Variants in PAX2 observed in about 807,000 individuals in gnomAD.
The protein encoded by PAX2 is paired box protein Pax-2.
In PAX2, 9 loss-of-function variants were observed where a neutral mutation model predicts 41.7. That is an observed-to-expected ratio of 0.22 (90% CI 0.13 to 0.38). PAX2 has a LOEUF of 0.38. PAX2 is among the 10% of genes least tolerant of loss of function. PAX2 has a pLI of 1.00. For missense variants in PAX2, 418 were observed against 531.6 expected (o/e 0.79, Z 2.10); for synonymous variants, 221 against 212.7 (o/e 1.04, Z -0.34).
intron 7 of PAX2, among the ~76,000 whole-genome samples, chr10:100,814,351 CAAAAAAAAAAAAAA>C (rs11458573): frequency 1.9e-5 from 1 of 53,728 alleles, no homozygotes; most frequent in South Asian, 1.3e-3. Context: ...GACTCCATCT[CAAAAAAAAAAAAAA>C]AAAAAAAAAG....
chr10:100,748,407 C>G lies in PAX2; in HGVS notation c.44-1339C>G. On this transcript the variant is annotated intron_variant, in intron 1 of 9. Transcript: ENST00000355243. This position sits in a 1 kb window ranked among gnomAD's most constrained non-coding sequence, Gnocchi z 5.0. ...TCAGAGGTCTTTCCCCAGGGTTTCA[C>G]CGAGCTTGCTCTAGGTACCCCCCGA... 3 of 958,668 alleles carry G rather than the reference C, an allele frequency of 3.1e-6. No homozygotes were observed. Among genetic ancestry groups the G allele is most frequent in the Non-Finnish European group, 2.4e-6 (2 of 828,484 alleles). The allele number at this position is 958,668 out of a possible 1,614,324, so 59.4% of individuals were successfully genotyped here.
At chr10:100,767,250 G>A (rs146788973) in intron 3 of PAX2, among the ~76,000 whole-genome samples, 1 of 152,088 alleles carries the variant, frequency 6.6e-6, no homozygotes, top group Non-Finnish European at 1.5e-5. Flanking sequence ...AGCAGAAAAC[G>A]ATCACAGCTG....
intron 3 of PAX2, among the ~76,000 whole-genome samples, chr10:100,774,469 C>T (rs930067321): frequency 6.6e-5 from 10 of 151,946 alleles, no homozygotes; most frequent in South Asian, 2.1e-4. Context: ...GGTCAGATGT[C>T]GCCGCCGCCA....
At position 100,826,917 on chromosome 10, in the gene PAX2, C is replaced by A. The variant is rs1162455441; in HGVS notation, c.1022-92C>A. 7 of 858,526 alleles carry A rather than the reference C, an allele frequency of 8.2e-6. No individual in the cohort carries two copies. Among genetic ancestry groups the A allele is most frequent in the Non-Finnish European group, 1.4e-5 (7 of 509,216 alleles). 53.2% of individuals were successfully genotyped at this position (858,526 alleles called of 1,614,324 possible). The stretch of plus-strand genomic sequence containing the variant: ...CGCGACACCTGCGCCTGAGACCCGG[C>A]GGGAGGAGCGGGCGGAGAAGCCACC... On this transcript the variant is annotated intron_variant, in intron 8 of 9. Coordinates refer to ENST00000355243, the MANE Select transcript of PAX2 (RefSeq NM_000278.5). This position sits in a 1 kb window ranked among gnomAD's most constrained non-coding sequence, Gnocchi z 5.5.
chr10:100,786,087 A>C (rs1589854073), intron 5 of PAX2, among the ~76,000 whole-genome samples: 3 of 152,336 alleles, frequency 2.0e-5, no homozygotes, highest in Admixed American at 2.0e-4. Flanking sequence ...TCATGAGGAA[A>C]TGAAGTTGTG....
In PAX2 at chr10:100,819,674, A is replaced by G. The variant is rs112377389; in HGVS notation, c.920-4974A>G. ...AAATGTTAAGGACACCGCCCAGCATATAGAAGGTGCTCAATGAATGCTAGG... is the reference window on the plus strand; with the variant it reads ...AAATGTTAAGGACACCGCCCAGCATGTAGAAGGTGCTCAATGAATGCTAGG... On this transcript the variant is annotated intron_variant, in intron 7 of 9. Transcript: ENST00000355243. Among the ~76,000 whole-genome samples, 575 of 152,362 alleles carry G rather than the reference A, an allele frequency of 3.8e-3. 2 individuals are homozygous for G. Among genetic ancestry groups the G allele is most frequent in the African/African-American group, 0.013 (552 of 41,600 alleles).
At chr10:100,800,717 C>T (rs1472421938) in intron 5 of PAX2, among the ~76,000 whole-genome samples, 1 of 152,194 alleles carries the variant, frequency 6.6e-6, no homozygotes, top group Non-Finnish European at 1.5e-5. Context: ...TGGACAACTC[C>T]ATTCATGACT....
intron 5 of PAX2, among the ~76,000 whole-genome samples, chr10:100,788,897 GAC>G (rs568207940): frequency 1.3e-5 from 2 of 151,586 alleles, no homozygotes; most frequent in African/African-American, 4.9e-5. Context: ...CATGCACACC[GAC>G]ACACACACAT....
At chr10:100,770,908 T>C (rs1335782701) in intron 3 of PAX2, among the ~76,000 whole-genome samples, 1 of 152,212 alleles carries the variant, frequency 6.6e-6, no homozygotes, top group Non-Finnish European at 1.5e-5. Context: ...CTTTCTTAAC[T>C]CACTAAGACT....
rs149589475 is a variant in PAX2 at position 100,780,324 on chromosome 10, G to A, written c.496+741G>A. Among the ~76,000 whole-genome samples, 79 of 152,274 alleles carry A rather than the reference G, an allele frequency of 5.2e-4. No individual in the cohort carries two copies. The East Asian group carries it at 0.011, about 22-fold the overall frequency. Reference sequence around the variant, plus strand: ...CTCTGTCCCCAACGCACACAGACTAGCTTCCCTCTGGCCCAAGGAGAAACT... The same window carrying A: ...CTCTGTCCCCAACGCACACAGACTAACTTCCCTCTGGCCCAAGGAGAAACT... On this transcript the variant is annotated intron_variant, in intron 4 of 9. Transcript: ENST00000355243.
chr10:100,754,874 G>A (rs1312790550), intron 3 of PAX2, among the ~76,000 whole-genome samples: 1 of 152,160 alleles, frequency 6.6e-6, no homozygotes, highest in Non-Finnish European at 1.5e-5. Flanking sequence ...TATCTTTGTA[G>A]CTGTTTGGTG....
At chr10:100,745,393 C>T (rs1409937071), upstream of PAX2, among the ~76,000 whole-genome samples, 1 of 151,156 alleles carries the variant, frequency 6.6e-6, no homozygotes, top group African/African-American at 2.4e-5. Flanking sequence ...CTCCCCTAGC[C>T]GGCACCGGAG....
intron 1 of PAX2, among the ~76,000 whole-genome samples, chr10:100,740,156 G>A (rs1487205030): frequency 6.6e-6 from 1 of 152,218 alleles, no homozygotes; most frequent in Non-Finnish European, 1.5e-5. Context: ...CGGACCGGAC[G>A]GGATTTCCTT....
intron 1 of PAX2, chr10:100,749,067 A>T (rs1049941085): frequency 5.2e-5 from 51 of 985,294 alleles, no homozygotes; most frequent in Non-Finnish European, 6.1e-5. Flanking sequence ...TTCAGATACT[A>T]AGGAGGTGAA....
intron 5 of PAX2, among the ~76,000 whole-genome samples, chr10:100,797,302 AAAT>A (rs1847373395): frequency 6.6e-6 from 1 of 152,244 alleles, no homozygotes; most frequent in Non-Finnish European, 1.5e-5. Flanking sequence ...TGTTCTGGGT[AAAT>A]TACCTAATCT....
intron 6 of PAX2, among the ~76,000 whole-genome samples, chr10:100,807,913 T>G (rs551914673): frequency 6.6e-5 from 10 of 152,334 alleles, no homozygotes; most frequent in African/African-American, 2.4e-4. Context: ...TTTTATCCCA[T>G]AAGCTGTTTG....
Position 100,745,963 on chromosome 10 carries a change from C to G in PAX2, c.-298C>G, listed in dbSNP as rs1042417328. Reference sequence around the variant, plus strand: ...GGCTGCAGCTGCAGCGCGAGCCATGCGCCCCCAGTGCACCCCGGCCCGGCC... The same window carrying G: ...GGCTGCAGCTGCAGCGCGAGCCATGGGCCCCCAGTGCACCCCGGCCCGGCC... On this transcript the variant is annotated 5_prime_UTR_variant, in exon 1 of 10. Coordinates refer to ENST00000355243, the MANE Select transcript of PAX2 (RefSeq NM_000278.5). 6 of 1,298,302 alleles carry G rather than the reference C, an allele frequency of 4.6e-6. No homozygotes were observed. The highest frequency in any genetic ancestry group is 5.9e-6 in the Non-Finnish European group (6 of 1,024,602). 80.4% of individuals were successfully genotyped at this position (1,298,302 alleles called of 1,614,324 possible).
chr10:100,779,688 C>T, intron 4 of PAX2, 105 bp downstream of exon 4: 1 of 863,422 alleles, frequency 1.2e-6, no homozygotes, highest in Non-Finnish European at 1.9e-6. Context: ...GTCCAGAGCC[C>T]AACCTATTTG....
intron 3 of PAX2, among the ~76,000 whole-genome samples, chr10:100,763,050 T>C (rs1845893027): frequency 6.6e-6 from 1 of 152,234 alleles, no homozygotes; most frequent in South Asian, 2.1e-4. Context: ...CACCTTCTAA[T>C]GGATCTCCAA....
Sources: gnomAD v4.1 joint callset for allele counts (sites outside exome capture counted in the v4.1 genomes callset) on GRCh38, gnomAD v4.1.1 for gene constraint, Gnocchi (gnomAD v3.1) non-coding constraint, MANE v1.5 for transcripts, NCBI Gene and HGNC (gene_info 2026-07-23, HGNC 2026-07-21) for gene names.